Variants in NTM observed in about 807,000 individuals in gnomAD.
The protein encoded by NTM is neurotrimin, also known as IgLON family member 2.
Under a neutral mutation model 42.1 loss-of-function variants are expected in NTM, and 13 were observed. The observed-to-expected ratio is 0.31, with a 90% CI of 0.20 to 0.49. The LOEUF (loss-of-function observed/expected upper bound fraction) is 0.49. Ranked by LOEUF, NTM falls within the 20% of genes least tolerant of loss-of-function variation. The pLI, the probability that NTM is intolerant of heterozygous loss-of-function variation, is 0.99. For missense variants in NTM, 373 were observed against 452.8 expected, an observed-to-expected ratio of 0.82 and a Z score of 1.60; for synonymous variants, 187 against 179.2, an observed-to-expected ratio of 1.04 and a Z score of -0.35.
intron 1 of NTM, among the ~76,000 whole-genome samples, chr11:131,459,600 A>G (rs1951196522): frequency 6.6e-6 from 1 of 152,188 alleles, no homozygotes; most frequent in South Asian, 2.1e-4. Flanking sequence ...AGTCCTATTA[A>G]CCTAACTCAT....
At chr11:131,610,609 C>T (rs1043107845) in intron 1 of NTM, among the ~76,000 whole-genome samples, 5 of 152,152 alleles carry the variant, frequency 3.3e-5, no homozygotes, top group African/African-American at 1.2e-4. Context: ...GATAACCTGA[C>T]TTAGGGTTTA....
chr11:132,099,870 C>T (rs1197620839), intron 2 of NTM, among the ~76,000 whole-genome samples: 3 of 152,128 alleles, frequency 2.0e-5, no homozygotes, highest in African/African-American at 4.8e-5. Context: ...ACAGTAGGGG[C>T]GCCATGCCTC....
chr11:132,236,021 C>CACACAT (rs71477750), intron 4 of NTM, among the ~76,000 whole-genome samples: 4,079 of 150,816 alleles, frequency 0.027, 61 homozygotes, highest in Non-Finnish European at 0.039. Context: ...CACACACACA[C>CACACAT]AACAAAATTG....
At chr11:131,464,670 C>A (rs1396057131) in intron 1 of NTM, among the ~76,000 whole-genome samples, 1 of 152,168 alleles carries the variant, frequency 6.6e-6, no homozygotes, top group Non-Finnish European at 1.5e-5. Context: ...GTCTTCCGCC[C>A]CAGTCCTGGG....
intron 1 of NTM, among the ~76,000 whole-genome samples, chr11:131,812,080 A>G (rs2092753096): frequency 6.6e-6 from 1 of 152,160 alleles, no homozygotes; most frequent in Non-Finnish European, 1.5e-5. Context: ...GAGTAACCAT[A>G]TGAAAGACCA....
At chr11:131,852,876 A>ATCCT in intron 1 of NTM, among the ~76,000 whole-genome samples, 1 of 149,082 alleles carries the variant, frequency 6.7e-6, no homozygotes, top group African/African-American at 2.5e-5. Flanking sequence ...CCATCCACCC[A>ATCCT]TCCGTCCATC....
intron 1 of NTM, among the ~76,000 whole-genome samples, chr11:131,463,280 G>A (rs1200885050): frequency 6.6e-6 from 1 of 152,214 alleles, no homozygotes; most frequent in Admixed American, 6.5e-5. Context: ...ACAACAGCAG[G>A]TGCACATGGC....
At chr11:131,556,359 G>A (rs2055410416) in intron 1 of NTM, among the ~76,000 whole-genome samples, 1 of 152,132 alleles carries the variant, frequency 6.6e-6, no homozygotes, top group East Asian at 1.9e-4. Context: ...CAGATTACAT[G>A]AAAAGCAGAG....
chr11:132,181,400 A>G (rs2077557785), intron 3 of NTM, among the ~76,000 whole-genome samples: 1 of 152,178 alleles, frequency 6.6e-6, no homozygotes, highest in Non-Finnish European at 1.5e-5. Context: ...CTAAATTCCC[A>G]AAGGATTACA....
At chr11:132,330,658 A>G (rs1270155356) in intron 8 of NTM, among the ~76,000 whole-genome samples, 3 of 152,170 alleles carry the variant, frequency 2.0e-5, no homozygotes, top group African/African-American at 7.2e-5. Context: ...TCACTTGGCT[A>G]CGAATAAAAT....
chr11:132,310,068 A>G, intron 5 of NTM, 44 bp from the exon 6 acceptor site: 1 of 1,530,978 alleles, frequency 6.5e-7, no homozygotes, highest in South Asian at 1.3e-5. Flanking sequence ...AAAAAAAAAA[A>G]AAAAAAGGTG....
At chr11:131,763,251 GT>G (rs1469871730) in intron 1 of NTM, among the ~76,000 whole-genome samples, 1 of 152,192 alleles carries the variant, frequency 6.6e-6, no homozygotes, top group Admixed American at 6.5e-5. Context: ...AAATATTTTA[GT>G]CTTTCCAAAT....
chr11:131,716,314 A>C (rs2077684761), intron 1 of NTM, among the ~76,000 whole-genome samples: 2 of 152,176 alleles, frequency 1.3e-5, no homozygotes, highest in African/African-American at 4.8e-5. Flanking sequence ...TCCTTTCAAC[A>C]TGAATTTTGG....
chr11:132,144,713 A>G (rs959022159), intron 2 of NTM, among the ~76,000 whole-genome samples: 5 of 152,154 alleles, frequency 3.3e-5, no homozygotes, highest in Admixed American at 6.5e-5. Context: ...TAGTCCCCAG[A>G]TCTTCTCCAA....
At chr11:131,598,868 C>CCTT (rs1483487850) in intron 1 of NTM, among the ~76,000 whole-genome samples, 392 of 33,582 alleles carry the variant, frequency 0.012, 41 homozygotes, top group African/African-American at 0.027. Flanking sequence ...TTCCTTCCTT[C>CCTT]CTTCCTTCTT....
intron 1 of NTM, among the ~76,000 whole-genome samples, chr11:131,777,315 G>T (rs906642990): frequency 6.6e-6 from 1 of 152,014 alleles, no homozygotes; most frequent in African/African-American, 2.4e-5. Context: ...CATCTTAAAT[G>T]AAGATCTTTA....
intron 1 of NTM, among the ~76,000 whole-genome samples, chr11:131,750,228 T>G (rs567824904): frequency 6.9e-6 from 1 of 145,312 alleles, no homozygotes; most frequent in East Asian, 2.1e-4. Flanking sequence ...TGAGATTGGG[T>G]GTTGCCACCT....
intron 2 of NTM, among the ~76,000 whole-genome samples, chr11:132,018,519 A>G (rs1020436743): frequency 6.6e-6 from 1 of 151,888 alleles, no homozygotes; most frequent in Non-Finnish European, 1.5e-5. Flanking sequence ...ATTATATACT[A>G]TATTTCATTA....
chr11:131,997,093 C>T (rs1047932292), intron 2 of NTM, among the ~76,000 whole-genome samples: 1 of 152,186 alleles, frequency 6.6e-6, no homozygotes, highest in African/African-American at 2.4e-5. Flanking sequence ...CTGGACTCTA[C>T]CCTGGGCATT....
Sources: gnomAD v4.1 joint callset for allele counts (sites outside exome capture counted in the v4.1 genomes callset) on GRCh38, gnomAD v4.1.1 for gene constraint, MANE v1.5 for transcripts, NCBI Gene and HGNC (gene_info 2026-07-23, HGNC 2026-07-21) for gene names.